PAX5: variants seen among roughly 807,000 people sequenced by gnomAD.
PAX5 encodes paired box protein Pax-5.
In PAX5, 9 loss-of-function variants were observed where a neutral mutation model predicts 43.7. The ratio of observed to expected loss-of-function variants is 0.21; its 90% CI spans 0.12 to 0.36. PAX5 has a LOEUF of 0.36. Ranked by LOEUF, PAX5 falls within the 10% of genes least tolerant of loss-of-function variation. The probability of loss-of-function intolerance (pLI) is 1.00; values close to 1 mark genes in which losing one functional copy is unlikely to be tolerated. For missense variants in PAX5, 383 were observed against 532.7 expected (o/e 0.72, Z 2.77); for synonymous variants, 228 against 214.3 (o/e 1.06, Z -0.56).
At chr9:36,903,980 G>C (rs778306637) in intron 7 of PAX5, among the ~76,000 whole-genome samples, 1 of 152,104 alleles carries the variant, frequency 6.6e-6, no homozygotes, top group Admixed American at 6.6e-5. Flanking sequence ...TCTGACTGCC[G>C]GCATTTAAAA....
At chr9:36,946,343 T>C (rs1358941393) in intron 6 of PAX5, among the ~76,000 whole-genome samples, 2 of 152,146 alleles carry the variant, frequency 1.3e-5, no homozygotes, top group Non-Finnish European at 2.9e-5. Context: ...CTCGAATTTG[T>C]AAATCAGGGA....
intron 1 of PAX5, among the ~76,000 whole-genome samples, chr9:37,028,205 C>G (rs1840628772): frequency 6.6e-6 from 1 of 152,246 alleles, no homozygotes; most frequent in African/African-American, 2.4e-5. Context: ...GGATTGTGTG[C>G]ATCGGAGTGT....
intron 6 of PAX5, among the ~76,000 whole-genome samples, chr9:36,961,586 T>C (rs1833979112): frequency 6.6e-6 from 1 of 152,202 alleles, no homozygotes. Context: ...TGAACTCCAT[T>C]TGACAACTGT....
intron 7 of PAX5, among the ~76,000 whole-genome samples, chr9:36,914,440 G>A (rs995169930): frequency 2.5e-4 from 38 of 152,140 alleles, no homozygotes; most frequent in Non-Finnish European, 1.5e-5. Flanking sequence ...CTATGTCTGG[G>A]GCTGTTGCAT....
chr9:37,030,000 G>A (rs1840817775), intron 1 of PAX5, among the ~76,000 whole-genome samples: 2 of 152,314 alleles, frequency 1.3e-5, no homozygotes, highest in Non-Finnish European at 1.5e-5. Context: ...GAAGAACTCG[G>A]CTGGAATATG....
At chr9:36,889,230 C>T (rs1349968497) in intron 7 of PAX5, among the ~76,000 whole-genome samples, 3 of 152,212 alleles carry the variant, frequency 2.0e-5, no homozygotes. Context: ...GTCTTAACCT[C>T]ATTCAATACA....
chr9:36,949,892 C>T (rs1832855111), intron 6 of PAX5, among the ~76,000 whole-genome samples: 5 of 152,214 alleles, frequency 3.3e-5, no homozygotes. Flanking sequence ...GCCATTCCTC[C>T]TGGCAGATTT....
At chr9:36,843,331 G>A (rs978303954) in intron 9 of PAX5, among the ~76,000 whole-genome samples, 3 of 152,180 alleles carry the variant, frequency 2.0e-5, no homozygotes, top group East Asian at 1.9e-4. Context: ...AGGGCGGGCC[G>A]GGAGAGGTGA....
At chr9:36,990,181 G>T (rs1174390955) in intron 5 of PAX5, among the ~76,000 whole-genome samples, 3 of 152,130 alleles carry the variant, frequency 2.0e-5, no homozygotes, top group African/African-American at 7.2e-5. Context: ...TATATATGGG[G>T]TCATCCTGAG....
At chr9:37,003,927 A>C (rs1187029859) in intron 4 of PAX5, among the ~76,000 whole-genome samples, 1 of 152,282 alleles carries the variant, frequency 6.6e-6, no homozygotes, top group Non-Finnish European at 1.5e-5. Flanking sequence ...GCTTCGCACT[A>C]ATAAACAATG....
At chr9:37,010,458 T>TGCTA (rs1376713182) in intron 3 of PAX5, among the ~76,000 whole-genome samples, 2 of 152,204 alleles carry the variant, frequency 1.3e-5, no homozygotes, top group Non-Finnish European at 2.9e-5. Flanking sequence ...GCGGTCCCTC[T>TGCTA]GCTAAATACT....
intron 8 of PAX5, among the ~76,000 whole-genome samples, chr9:36,881,418 C>A (rs1456315376): frequency 6.6e-6 from 1 of 152,140 alleles, no homozygotes; most frequent in South Asian, 2.1e-4. Context: ...CACCACCCCA[C>A]AATGTAAGGA....
At chr9:36,888,197 G>T (rs1166722376) in intron 7 of PAX5, among the ~76,000 whole-genome samples, 1 of 152,182 alleles carries the variant, frequency 6.6e-6, no homozygotes, top group Non-Finnish European at 1.5e-5. Context: ...TGGTACAGCT[G>T]CTTTGGAAAA....
intron 5 of PAX5, among the ~76,000 whole-genome samples, chr9:36,992,642 C>T (rs1588165974): frequency 1.3e-5 from 2 of 152,230 alleles, no homozygotes; most frequent in South Asian, 2.1e-4. Flanking sequence ...ATTTCCAAAA[C>T]CCAGTGTGTC....
chr9:36,887,150 G>T (rs993948742), intron 7 of PAX5, among the ~76,000 whole-genome samples: 1 of 152,128 alleles, frequency 6.6e-6, no homozygotes, highest in Admixed American at 6.5e-5. Flanking sequence ...TATTATTGTA[G>T]GATTATTAAA....
At chr9:37,027,122 G>T (rs1018293705) in intron 1 of PAX5, among the ~76,000 whole-genome samples, 8 of 152,222 alleles carry the variant, frequency 5.3e-5, no homozygotes, top group Non-Finnish European at 1.2e-4. Context: ...AGTCTCTGGG[G>T]CTCGGACTTG....
intron 5 of PAX5, among the ~76,000 whole-genome samples, chr9:36,991,978 C>A (rs1836983048): frequency 6.6e-6 from 1 of 152,206 alleles, no homozygotes; most frequent in Admixed American, 6.5e-5. Context: ...TTCTCTTGTT[C>A]TCCCTCTCCC....
rs778012514 is a variant in PAX5 at position 37,034,076 on chromosome 9, A to G, written c.-45T>C. 2.3e-6 allele frequency: 2 copies of G among 861,816 alleles called. No homozygotes were observed. Among genetic ancestry groups the G allele is most frequent in the African/African-American group, 4.8e-5 (2 of 41,548 alleles). The allele number at this position is 861,816 out of a possible 1,614,324, so 53.4% of individuals were successfully genotyped here. A position where few individuals can be genotyped will look rare whatever the true frequency, so the allele number is the denominator to read the frequency against. ...ATGGAATGGACAGGGAAAAGTTTCC[A>G]CTTTTTTGTGCCTTTTTTTTTCTTT... On this transcript the variant is annotated 5_prime_UTR_variant, in exon 1 of 10. Coordinates refer to ENST00000358127, the MANE Select transcript of PAX5 (RefSeq NM_016734.3).
chr9:36,938,213 T>C (rs1052550532), intron 6 of PAX5, among the ~76,000 whole-genome samples: 2 of 152,264 alleles, frequency 1.3e-5, no homozygotes, highest in African/African-American at 4.8e-5. Context: ...TTTGTGGTTA[T>C]GTGTTAATTC....
Sources: allele counts gnomAD v4.1 joint callset (sites outside exome capture counted in the v4.1 genomes callset), GRCh38; gene constraint gnomAD v4.1.1; transcripts MANE v1.5; gene names NCBI Gene and HGNC (gene_info 2026-07-23, HGNC 2026-07-21).